The following SFXN2 variants were observed in gnomAD, a reference collection of about 807,000 sequenced individuals.
The protein encoded by SFXN2 is sideroflexin-2.
Under a neutral mutation model 41.9 loss-of-function variants are expected in SFXN2, and 37 were observed. That is an observed-to-expected ratio of 0.88 (90% CI 0.68 to 1.16). SFXN2 has a LOEUF of 1.16. SFXN2 is among the 50% of genes most tolerant of loss of function. SFXN2 has a pLI of 0.00. For missense variants in SFXN2, 386 were observed against 425.2 expected, an observed-to-expected ratio of 0.91 and a Z score of 0.81; for synonymous variants, 150 against 156.7, an observed-to-expected ratio of 0.96 and a Z score of 0.32.
At position 102,738,705 on chromosome 10, in the gene SFXN2, AATC is replaced by A. The variant is rs1453201568; in HGVS notation, c.*946_*948del. On this transcript the variant is annotated 3_prime_UTR_variant, in exon 12 of 12. Coordinates refer to ENST00000369893, the MANE Select transcript of SFXN2 (RefSeq NM_178858.6). ...GGCAGCAGAGTTACATGGTTCTTCA[AATC>A]ATGTCTGAACCTATTCTTGGAATCT... 2 of 152,246 alleles carry A rather than the reference AATC, an allele frequency of 1.3e-5. No homozygotes were observed. The highest frequency in any genetic ancestry group is 4.8e-5 in the African/African-American group (2 of 41,448). 9.4% of individuals were successfully genotyped at this position (152,246 alleles called of 1,614,324 possible).
chr10:102,733,861 C>T (rs1186966982), intron 10 of SFXN2, among the ~76,000 whole-genome samples: 1 of 149,414 alleles, frequency 6.7e-6, no homozygotes, highest in African/African-American at 2.5e-5. Context: ...TCTCCTTTGA[C>T]CTTAAGTCTG....
intron 1 of SFXN2, 60 bp from the exon 2 acceptor site, chr10:102,726,552 C>G (rs1354336060): frequency 9.0e-6 from 14 of 1,553,672 alleles, no homozygotes; most frequent in Non-Finnish European, 1.2e-5. Context: ...GGGACGTGCT[C>G]AGGTCCTCTG....
chr10:102,735,954 C>T (rs767903408), intron 11 of SFXN2, 45 bp downstream of exon 11: 1 of 1,580,852 alleles, frequency 6.3e-7, no homozygotes, highest in East Asian at 2.2e-5. Flanking sequence ...ACCATGCTGC[C>T]AGCGCGCTCC....
At chr10:102,732,046 C>T (rs1247073020) in intron 7 of SFXN2, 106 bp from the exon 8 acceptor site, 16 of 1,112,832 alleles carry the variant, frequency 1.4e-5, no homozygotes, top group South Asian at 8.9e-5. Flanking sequence ...TCCTTCCCTT[C>T]CCCTTTACCA....
At chr10:102,716,376 C>T (rs2064413646) in intron 1 of SFXN2, 1 of 151,836 alleles carries the variant, frequency 6.6e-6, no homozygotes, top group Admixed American at 6.6e-5. Context: ...CCTGGGGCTA[C>T]AAACAGTAAT....
rs575077943 is a variant in SFXN2 at position 102,729,972 on chromosome 10, C to A, written c.593+164C>A. Among the ~76,000 whole-genome samples, 136 of 152,210 alleles carry A rather than the reference C, an allele frequency of 8.9e-4. 2 individuals carry two copies. Among genetic ancestry groups the A allele is most frequent in the Admixed American group, 8.9e-3 (136 of 15,272 alleles). The stretch of plus-strand genomic sequence containing the variant: ...GATTGGCAGCTCCCATGGTGATGGC[C>A]CCGGGAGTGGTGGGTGACTTTGGGT... On this transcript the variant is annotated intron_variant, in intron 6 of 11. Coordinates refer to ENST00000369893, the MANE Select transcript of SFXN2 (RefSeq NM_178858.6).
At chr10:102,733,272 C>T (rs1032369983) in intron 9 of SFXN2, among the ~76,000 whole-genome samples, 5 of 152,072 alleles carry the variant, frequency 3.3e-5, no homozygotes, top group East Asian at 1.9e-4. Context: ...CTCAGCCTCC[C>T]GAGCAGCTGG....
chr10:102,716,870 C>T (rs191795431), intron 1 of SFXN2, among the ~76,000 whole-genome samples: 1 of 151,920 alleles, frequency 6.6e-6, no homozygotes, highest in South Asian at 2.1e-4. Flanking sequence ...TGCCAGGCCT[C>T]GGAGTTGGCA....
At chr10:102,732,082 C>T in intron 7 of SFXN2, 70 bp from the exon 8 acceptor site, 1 of 1,460,542 alleles carries the variant, frequency 6.8e-7, no homozygotes, top group African/African-American at 1.4e-5. Flanking sequence ...TGATGCTGAC[C>T]CAGCCCCCTG....
intron 7 of SFXN2, 105 bp from the exon 8 acceptor site, chr10:102,732,047 C>G: frequency 8.9e-7 from 1 of 1,122,080 alleles, no homozygotes; most frequent in Non-Finnish European, 1.3e-6. Context: ...CCTTCCCTTC[C>G]CCTTTACCAT....
Position 102,737,752 on chromosome 10 carries a change from A to C in SFXN2, c.959A>C (p.Lys320Thr). ...CTTGAGCCTTATGTCTACTTCAATA[A>C]GGGTCTCTAAATGCCCCACTTCAGC... is the stretch of plus-strand genomic sequence containing the variant. Reference protein sequence around the residue: ...GELEPYVYFNKGL With the variant: ...GELEPYVYFNTGL The change falls in exon 12 of 12, where the codon AAG (lysine) becomes ACG (threonine). Residue 320 changes from lysine to threonine, a missense_variant. Physicochemically the swap from Lys to Thr is moderately conservative, Grantham distance 78. Coordinates refer to ENST00000369893, the MANE Select transcript of SFXN2 (RefSeq NM_178858.6). 1 of 1,609,972 alleles carries C rather than the reference A, an allele frequency of 6.2e-7. No individual in the cohort carries two copies. The highest frequency in any genetic ancestry group is 8.5e-7 in the Non-Finnish European group (1 of 1,176,658).
At chr10:102,735,535 C>T (rs1213273706) in intron 10 of SFXN2, among the ~76,000 whole-genome samples, 2 of 152,148 alleles carry the variant, frequency 1.3e-5, no homozygotes, top group African/African-American at 4.8e-5. Flanking sequence ...CTCCTCGTCG[C>T]TCCTTTCGCT....
intron 4 of SFXN2, 44 bp downstream of exon 4, chr10:102,728,573 A>G (rs1278029333): frequency 1.3e-6 from 2 of 1,563,696 alleles, no homozygotes; most frequent in Non-Finnish European, 1.8e-6. Context: ...CTCCCCACGA[A>G]CAGCTTTTCT....
At chr10:102,733,003 T>G in intron 9 of SFXN2, 95 bp downstream of exon 9, 1 of 1,267,276 alleles carries the variant, frequency 7.9e-7, no homozygotes, top group Non-Finnish European at 1.1e-6. Flanking sequence ...CCACCCATCC[T>G]TCCCTTTAGC....
chr10:102,731,906 T>C (rs2064710100), intron 7 of SFXN2, 123 bp downstream of exon 7: 1 of 873,946 alleles, frequency 1.1e-6, no homozygotes, highest in East Asian at 2.5e-5. Flanking sequence ...CCATCCTCAC[T>C]CCCTATCAAA....
Position 102,729,562 on chromosome 10 carries a change from T to G in SFXN2, c.508-161T>G, listed in dbSNP as rs527547287. The G allele has an allele frequency of 9.7e-5, 108 of 1,112,092 alleles. 1 individual carries two copies. In the African/African-American group the frequency reaches 1.7e-3, roughly 17 times the overall value. 68.9% of individuals were successfully genotyped at this position (1,112,092 alleles called of 1,614,324 possible). ...ACCAGGGCCGTCCCCAGGTTGGTTCTTCTTGGGCCTTTGAGGGAGTTTGGG... is the reference window on the plus strand; with the variant it reads ...ACCAGGGCCGTCCCCAGGTTGGTTCGTCTTGGGCCTTTGAGGGAGTTTGGG... On this transcript the variant is annotated intron_variant, in intron 5 of 11. Transcript: ENST00000369893.
At chr10:102,733,458 T>C (rs1357537389) in intron 9 of SFXN2, 96 bp from the exon 10 acceptor site, 1 of 1,044,228 alleles carries the variant, frequency 9.6e-7, no homozygotes, top group Admixed American at 1.9e-5. Flanking sequence ...ACCTGTGGGC[T>C]TTTCTAGCTG....
At chr10:102,717,799 T>A in intron 1 of SFXN2, 2 of 985,420 alleles carry the variant, frequency 2.0e-6, no homozygotes, top group Non-Finnish European at 2.4e-6. Context: ...TAAATATTCT[T>A]CGAGGGCATG....
rs2064723376 is a variant in SFXN2 at position 102,732,863 on chromosome 10, G to A, written c.726G>A (p.Leu242=). The stretch of plus-strand genomic sequence containing the variant: ...CTTCTCCCTGGTCTCTTCCAGTCTT[G>A]CTGCCAGTCATCATGGAAAGGCTTG... ...RITMSAPGMI[L]LPVIMERLEK... Residue 242 remains leucine, a synonymous_variant, in exon 9 of 12, where the codon TTG becomes TTA. Transcript: ENST00000369893. The A allele has an allele frequency of 1.9e-6, 3 of 1,613,958 alleles. No homozygotes were observed. In the Admixed American group the frequency reaches 5.0e-5, roughly 27 times the overall value.
Sources: allele counts gnomAD v4.1 joint callset (sites outside exome capture counted in the v4.1 genomes callset), GRCh38; gene constraint gnomAD v4.1.1; transcripts MANE v1.5; gene names NCBI Gene and HGNC (gene_info 2026-07-23, HGNC 2026-07-21).